Variants in CTIF observed in about 807,000 individuals in gnomAD.
The protein encoded by CTIF is cap binding complex dependent translation initiation factor, also known as CBP80/20-dependent translation initiation factor.
CTIF carries 21 observed loss-of-function variants against 66.0 expected under a neutral mutation model. That is an observed-to-expected ratio of 0.32 (90% CI 0.23 to 0.46). CTIF has a LOEUF of 0.46. Among genes scored for constraint, CTIF ranks in the 20% least tolerant of loss-of-function variants. CTIF has a pLI of 1.00. For synonymous variants in CTIF, 345 were observed against 326.4 expected (o/e 1.06, Z -0.62); for missense variants, 739 against 812.7 (o/e 0.91, Z 1.10).
chr18:48,676,154 C>T (rs2091625695), intron 6 of CTIF, among the ~76,000 whole-genome samples: 1 of 152,080 alleles, frequency 6.6e-6, no homozygotes, highest in Non-Finnish European at 1.5e-5. Flanking sequence ...CCCTAGATGG[C>T]CCCTAGGTGA....
At chr18:48,688,875 A>C (rs981143785) in intron 6 of CTIF, among the ~76,000 whole-genome samples, 3 of 152,214 alleles carry the variant, frequency 2.0e-5, no homozygotes, top group African/African-American at 7.2e-5. Context: ...GAGAGGAAAG[A>C]GGGGGAGAAA....
chr18:48,841,589 G>A (rs980365696), intron 10 of CTIF, among the ~76,000 whole-genome samples: 7 of 152,230 alleles, frequency 4.6e-5, no homozygotes, highest in African/African-American at 1.2e-4. Context: ...TCAAGGAGAC[G>A]CTCTGTCTCT....
At chr18:48,741,175 G>A (rs1204782871) in intron 7 of CTIF, among the ~76,000 whole-genome samples, 1 of 152,140 alleles carries the variant, frequency 6.6e-6, no homozygotes, top group African/African-American at 2.4e-5. Flanking sequence ...CTGGGGCCCA[G>A]AGAGGTGTTT....
At chr18:48,742,016 C>T (rs1480353512) in intron 7 of CTIF, among the ~76,000 whole-genome samples, 1 of 152,182 alleles carries the variant, frequency 6.6e-6, no homozygotes, top group Admixed American at 6.5e-5. Flanking sequence ...AGCTCAATAC[C>T]ATCTGCAGAA....
In CTIF at chr18:48,842,232, C is replaced by T. The variant is rs531471966; in HGVS notation, c.1528-15356C>T. 6.8e-4 allele frequency among the ~76,000 whole-genome samples: 103 copies of T among 152,042 alleles called. 2 individuals carry two copies. Among genetic ancestry groups the T allele is most frequent in the Admixed American group, 1.9e-3 (29 of 15,276 alleles). On this transcript the variant is annotated intron_variant, in intron 10 of 11. Transcript: ENST00000256413. ...TGCCAATTACAAGATTCAGGGGCTG[C>T]GGGGATGGGGAGGTCAGGCCTCATG...
At chr18:48,558,575 C>T (rs989182267) in intron 1 of CTIF, among the ~76,000 whole-genome samples, 2 of 152,284 alleles carry the variant, frequency 1.3e-5, no homozygotes, top group Admixed American at 1.3e-4. Context: ...ATTGTAATTT[C>T]GAGTCACAAA....
intron 9 of CTIF, among the ~76,000 whole-genome samples, chr18:48,792,777 CTG>C (rs2067821881): frequency 6.6e-6 from 1 of 152,076 alleles, no homozygotes. Flanking sequence ...TTACCACTAA[CTG>C]AGGTGGGGAA....
At chr18:48,832,772 CGCAAACACACTTGTGGAAAT>C (rs1374743233) in intron 10 of CTIF, among the ~76,000 whole-genome samples, 2 of 152,284 alleles carry the variant, frequency 1.3e-5, no homozygotes, top group Non-Finnish European at 2.9e-5. Flanking sequence ...ACTTAGGAAA[CGCAAACACACTTGTGGAAAT>C]GCAAACACAC....
chr18:48,745,991 A>G (rs1021309624), intron 7 of CTIF, among the ~76,000 whole-genome samples: 10 of 152,216 alleles, frequency 6.6e-5, no homozygotes, highest in Non-Finnish European at 1.2e-4. Flanking sequence ...TTCAGGGACA[A>G]GCGAACCTGT....
At chr18:48,646,618 A>T (rs1271623188) in intron 3 of CTIF, among the ~76,000 whole-genome samples, 1 of 151,928 alleles carries the variant, frequency 6.6e-6, no homozygotes, top group Admixed American at 6.6e-5. Context: ...ATAGTGGCAC[A>T]TACCTGTGGT....
intron 9 of CTIF, among the ~76,000 whole-genome samples, chr18:48,790,360 C>T (rs201929824): frequency 6.6e-6 from 1 of 152,228 alleles, no homozygotes; most frequent in Non-Finnish European, 1.5e-5. Context: ...CAAGGAGTTA[C>T]AGCGGTGCTT....
rs2068623719 is a variant in CTIF at position 48,828,310 on chromosome 18, G to A, written c.1527+10934G>A. Among the ~76,000 whole-genome samples, 5 of 152,216 alleles carry A rather than the reference G, an allele frequency of 3.3e-5. No individual in the cohort carries two copies. The South Asian group carries it at 1.0e-3, about 32-fold the overall frequency. On this transcript the variant is annotated intron_variant, in intron 10 of 11. Transcript: ENST00000256413. Reference sequence around the variant, plus strand: ...AATCCTGTTTTGGAAGGTGGTGTGGGTGCAAGCTTTGGGTATTTTCTCTGA... The same window carrying A: ...AATCCTGTTTTGGAAGGTGGTGTGGATGCAAGCTTTGGGTATTTTCTCTGA...
chr18:48,733,145 G>A (rs759350557), intron 7 of CTIF, among the ~76,000 whole-genome samples: 2 of 152,112 alleles, frequency 1.3e-5, no homozygotes, highest in Admixed American at 6.5e-5. Context: ...AGCTGCCCTG[G>A]GGAGGCAGTA....
At chr18:48,826,731 A>T (rs2068589459) in intron 10 of CTIF, 1 of 152,230 alleles carries the variant, frequency 6.6e-6, no homozygotes, top group South Asian at 2.1e-4. Flanking sequence ...GTCTGTGCTC[A>T]TTCAACAAGC....
intron 10 of CTIF, among the ~76,000 whole-genome samples, chr18:48,850,252 T>G (rs2069172105): frequency 6.6e-6 from 1 of 152,252 alleles, no homozygotes; most frequent in South Asian, 2.1e-4. Context: ...CACTTGTTTA[T>G]TTATTCATCT....
At chr18:48,748,201 C>T (rs750026715) in intron 7 of CTIF, among the ~76,000 whole-genome samples, 4 of 151,972 alleles carry the variant, frequency 2.6e-5, no homozygotes, top group Admixed American at 6.6e-5. Context: ...GACGGGGGTT[C>T]GGGCCCTGGT....
chr18:48,723,943 C>T (rs928309359), intron 7 of CTIF, among the ~76,000 whole-genome samples: 6 of 152,198 alleles, frequency 3.9e-5, no homozygotes, highest in Admixed American at 6.5e-5. Context: ...CACCAGCAAA[C>T]AGAAATAAAA....
rs1257831545 is a variant in CTIF, at chr18:48,711,683, G to T, written c.572G>T (p.Arg191Ile). 2.5e-6 allele frequency: 4 copies of T among 1,613,966 alleles called. No homozygotes were observed. The highest frequency in any genetic ancestry group is 3.4e-6 in the Non-Finnish European group (4 of 1,179,934). ...ACCAAGAAGCTGTTCCGCAGGAGGA[G>T]AAATGATCGAAGGTAGGAGAGACTT... Reference protein sequence around the residue: ...AHTKKLFRRRRNDRRRQQRPP... With the variant: ...AHTKKLFRRRINDRRRQQRPP... Residue 191 changes from arginine (R) to isoleucine (I), a missense_variant, in exon 7 of 12, where the codon AGA becomes ATA. Arg to Ile is a moderately conservative substitution (Grantham distance 97). Around this residue, in one of 2 missense-constraint regions of CTIF, gnomAD observed 529 missense variants for 520.3 expected, o/e 1.02. Coordinates refer to ENST00000256413, the MANE Select transcript of CTIF (RefSeq NM_014772.3).
chr18:48,700,872 A>G (rs1407927851), intron 6 of CTIF, among the ~76,000 whole-genome samples: 1 of 152,232 alleles, frequency 6.6e-6, no homozygotes, highest in African/African-American at 2.4e-5. Context: ...GCATGCTCAC[A>G]GGGCACCGTG....
Sources: gnomAD v4.1 joint callset for allele counts (sites outside exome capture counted in the v4.1 genomes callset) on GRCh38, gnomAD v4.1.1 for gene constraint, gnomAD v4.1.1 regional missense constraint, MANE v1.5 for transcripts, NCBI Gene and HGNC (gene_info 2026-07-23, HGNC 2026-07-21) for gene names.